SPRED1: variants seen among roughly 807,000 people sequenced by gnomAD.
SPRED1 encodes sprouty related EVH1 domain containing 1, also known as sprouty-related, EVH1 domain-containing protein 1.
A neutral mutation model predicts 52.3 loss-of-function variants in SPRED1; 18 were observed. That is an observed-to-expected ratio of 0.34 (90% CI 0.24 to 0.51). The LOEUF (loss-of-function observed/expected upper bound fraction) is 0.51, where lower values mean the gene tolerates loss of function less well. SPRED1 is among the 20% of genes least tolerant of loss of function. The probability of loss-of-function intolerance (pLI) is 0.97; values close to 1 mark genes in which losing one functional copy is unlikely to be tolerated. For synonymous variants in SPRED1, 155 were observed against 179.7 expected, an observed-to-expected ratio of 0.86 and a Z score of 1.10; for missense variants, 485 against 551.0, an observed-to-expected ratio of 0.88 and a Z score of 1.20.
intron 5 of SPRED1, among the ~76,000 whole-genome samples, chr15:38,348,418 G>C (rs1170623653): frequency 1.6e-5 from 2 of 125,488 alleles, no homozygotes; most frequent in Admixed American, 1.4e-4. Context: ...TTAAAGATCT[G>C]TGTGTGTGTG....
rs1251200259 is a variant in SPRED1, at chr15:38,352,806, A to C, written c.*1142A>C. Reference sequence around the variant, plus strand: ...ATAACAATAACTTTTTATCAGTTACATTTTATTTTTATTTAAACTGGCCAA... The same window carrying C: ...ATAACAATAACTTTTTATCAGTTACCTTTTATTTTTATTTAAACTGGCCAA... On this transcript the variant is annotated 3_prime_UTR_variant, in exon 7 of 7. Transcript: ENST00000299084. 7 of 152,244 alleles carry C rather than the reference A, an allele frequency of 4.6e-5. No homozygotes were observed. The East Asian group carries it at 1.3e-3, about 29-fold the overall frequency. The allele number at this position is 152,244 out of a possible 1,614,324, so 9.4% of individuals were successfully genotyped here.
chr15:38,335,221 AT>A (rs1183081436), intron 4 of SPRED1, among the ~76,000 whole-genome samples: 1 of 152,022 alleles, frequency 6.6e-6, no homozygotes, highest in Non-Finnish European at 1.5e-5. Flanking sequence ...GCTAATACTT[AT>A]TCTCCTCCCT....
intron 2 of SPRED1, among the ~76,000 whole-genome samples, chr15:38,310,153 G>GTGTGTGTGTGTGT (rs373463622): frequency 2.3e-5 from 3 of 132,258 alleles, no homozygotes; most frequent in African/African-American, 8.5e-5. Context: ...GTGTGTGTGT[G>GTGTGTGTGTGTGT]TTTGGAGACG....
In SPRED1 at chr15:38,267,305, CT is replaced by C. The variant is rs535051820; in HGVS notation, c.32+14091del. Among the ~76,000 whole-genome samples the C allele has an allele frequency of 4.1e-4, 62 of 152,230 alleles. No individual in the cohort carries two copies. In the South Asian group the frequency reaches 4.2e-3, roughly 10 times the overall value. ...CTACTTGTTATCTCTTTAAAGAACACTTTAGGTTTCCAGCTCTTTGCTATTA... is the reference window on the plus strand; with the variant it reads ...CTACTTGTTATCTCTTTAAAGAACACTTAGGTTTCCAGCTCTTTGCTATTA... On this transcript the variant is annotated intron_variant, in intron 1 of 6. Coordinates refer to ENST00000299084, the MANE Select transcript of SPRED1 (RefSeq NM_152594.3).
At chr15:38,320,413 G>A (rs1895578166) in intron 2 of SPRED1, among the ~76,000 whole-genome samples, 1 of 152,156 alleles carries the variant, frequency 6.6e-6, no homozygotes, top group Admixed American at 6.5e-5. Context: ...GGGCCTAGTA[G>A]GTCATAGTAA....
intron 4 of SPRED1, among the ~76,000 whole-genome samples, chr15:38,337,631 G>A (rs1895947694): frequency 6.6e-6 from 1 of 152,168 alleles, no homozygotes; most frequent in Middle Eastern, 3.4e-3. Context: ...AAAGTAAAAT[G>A]TGTTAATGTT....
At chr15:38,286,281 A>G (rs529348230) in intron 1 of SPRED1, among the ~76,000 whole-genome samples, 1 of 151,172 alleles carries the variant, frequency 6.6e-6, no homozygotes, top group East Asian at 1.9e-4. Context: ...AGCTCTGTAC[A>G]TCATTATCCT....
intron 2 of SPRED1, among the ~76,000 whole-genome samples, chr15:38,320,831 T>G (rs1234872780): frequency 2.0e-5 from 3 of 152,214 alleles, no homozygotes; most frequent in Non-Finnish European, 4.4e-5. Flanking sequence ...CCACTTTTGT[T>G]TTATTTGACA....
At chr15:38,264,385 G>A (rs951877651) in intron 1 of SPRED1, among the ~76,000 whole-genome samples, 1 of 152,214 alleles carries the variant, frequency 6.6e-6, no homozygotes. Context: ...ACTGATAGCT[G>A]TTTTGAAGAA....
At chr15:38,308,088 A>G (rs1168690938) in intron 2 of SPRED1, among the ~76,000 whole-genome samples, 1 of 152,168 alleles carries the variant, frequency 6.6e-6, no homozygotes, top group Non-Finnish European at 1.5e-5. Context: ...GATGTCCTTT[A>G]CCATGATAAG....
At chr15:38,310,409 G>C (rs150604053) in intron 2 of SPRED1, among the ~76,000 whole-genome samples, 1 of 152,202 alleles carries the variant, frequency 6.6e-6, no homozygotes, top group African/African-American at 2.4e-5. Flanking sequence ...CCAAAGTGCT[G>C]GGATTACAGG....
chr15:38,336,050 T>A (rs191260818), intron 4 of SPRED1, among the ~76,000 whole-genome samples: 1 of 152,228 alleles, frequency 6.6e-6, no homozygotes, highest in East Asian at 1.9e-4. Flanking sequence ...TATCTTTTTA[T>A]GGCTATGATA....
chr15:38,259,474 T>A (rs973000297), intron 1 of SPRED1, among the ~76,000 whole-genome samples: 1 of 152,140 alleles, frequency 6.6e-6, no homozygotes, highest in Non-Finnish European at 1.5e-5. Flanking sequence ...TCAAATTCCT[T>A]GGCTCAAGTG....
rs1204655035 is a variant in SPRED1 at position 38,351,893 on chromosome 15, A to T, written c.*229A>T. The T allele has an allele frequency of 2.9e-5, 17 of 592,472 alleles. 1 individual carries two copies. The South Asian group carries it at 3.1e-4, about 11-fold the overall frequency. 36.7% of individuals were successfully genotyped at this position (592,472 alleles called of 1,614,324 possible). A position where few individuals can be genotyped will look rare whatever the true frequency, so the allele number is the denominator to read the frequency against. ...TGTAGAGTATTTGCAGAAGGAAACC[A>T]TTTCTGGTTATTTGGCTATAAAAAG... On this transcript the variant is annotated 3_prime_UTR_variant, in exon 7 of 7. Transcript: ENST00000299084.
At position 38,352,430 on chromosome 15, in the gene SPRED1, C is replaced by G. The variant is rs1319835100; in HGVS notation, c.*766C>G. The G allele has an allele frequency of 1.3e-5, 2 of 152,262 alleles. No individual in the cohort carries two copies. Among genetic ancestry groups the G allele is most frequent in the Non-Finnish European group, 2.9e-5 (2 of 67,948 alleles). 9.4% of individuals were successfully genotyped at this position (152,262 alleles called of 1,614,324 possible). On this transcript the variant is annotated 3_prime_UTR_variant, in exon 7 of 7. Coordinates refer to ENST00000299084, the MANE Select transcript of SPRED1 (RefSeq NM_152594.3). ...AAATCCTTAAAAATACTCTAATAGC[C>G]TTGAGTGACCAACTTTTTTTTTAAA...
intron 1 of SPRED1, among the ~76,000 whole-genome samples, chr15:38,279,302 A>G (rs1161269444): frequency 1.3e-5 from 2 of 152,220 alleles, no homozygotes; most frequent in East Asian, 1.9e-4. Context: ...TACTTTAAAT[A>G]TGGTTGAATT....
At chr15:38,314,148 A>G (rs1289869698) in intron 2 of SPRED1, among the ~76,000 whole-genome samples, 3 of 151,876 alleles carry the variant, frequency 2.0e-5, no homozygotes, top group East Asian at 3.8e-4. Flanking sequence ...TTTTAGAAGA[A>G]TGTATTTTTC....
At chr15:38,284,716 C>A (rs1398866963) in intron 1 of SPRED1, among the ~76,000 whole-genome samples, 1 of 151,778 alleles carries the variant, frequency 6.6e-6, no homozygotes, top group African/African-American at 2.4e-5. Flanking sequence ...CTTCACTATT[C>A]CTTGAGTAAA....
intron 2 of SPRED1, among the ~76,000 whole-genome samples, chr15:38,299,859 G>GC (rs1196097366): frequency 2.0e-5 from 3 of 152,108 alleles, no homozygotes; most frequent in Non-Finnish European, 4.4e-5. Context: ...CTAGACCAGA[G>GC]ATTGGCAAAC....
Sources: allele counts gnomAD v4.1 joint callset (sites outside exome capture counted in the v4.1 genomes callset), GRCh38; gene constraint gnomAD v4.1.1; transcripts MANE v1.5; gene names NCBI Gene and HGNC (gene_info 2026-07-23, HGNC 2026-07-21).